Variants in PCDH17 observed in about 807,000 individuals in gnomAD.
PCDH17 encodes the protein protocadherin 17, also known as protocadherin-17.
Under a neutral mutation model 67.7 loss-of-function variants are expected in PCDH17, and 21 were observed. The observed-to-expected ratio is 0.31, with a 90% CI of 0.22 to 0.45. The LOEUF (loss-of-function observed/expected upper bound fraction) is 0.45. PCDH17 is among the 20% of genes least tolerant of loss of function. The pLI, the probability that PCDH17 is intolerant of heterozygous loss-of-function variation, is 1.00. For missense variants in PCDH17, 1,471 were observed against 1,564.8 expected, an observed-to-expected ratio of 0.94 and a Z score of 1.01; for synonymous variants, 701 against 656.7, an observed-to-expected ratio of 1.07 and a Z score of -1.03.
chr13:57,685,796 G>A (rs1263227163), intron 3 of PCDH17, among the ~76,000 whole-genome samples: 2 of 151,794 alleles, frequency 1.3e-5, no homozygotes, highest in Admixed American at 6.6e-5. Flanking sequence ...AGTAAAGTAC[G>A]GAATTTAGGC....
chr13:57,669,060 A>C (rs2138028179), intron 3 of PCDH17, among the ~76,000 whole-genome samples: 1 of 151,680 alleles, frequency 6.6e-6, no homozygotes, highest in Non-Finnish European at 1.5e-5. Context: ...CTCATTGTTC[A>C]ATTCCCACCT....
upstream of PCDH17, among the ~76,000 whole-genome samples, chr13:57,631,324 C>T (rs917498003): frequency 1.3e-5 from 2 of 152,086 alleles, no homozygotes; most frequent in Admixed American, 1.3e-4. Context: ...TCCCTTCTAG[C>T]GAGAGACAGG....
At chr13:57,675,551 A>G (rs1047864950) in intron 3 of PCDH17, among the ~76,000 whole-genome samples, 1 of 151,966 alleles carries the variant, frequency 6.6e-6, no homozygotes, top group Non-Finnish European at 1.5e-5. Context: ...GGAATCAAAG[A>G]GAATTTGTGG....
chr13:57,686,033 G>A (rs368648652), intron 3 of PCDH17, among the ~76,000 whole-genome samples: 3 of 151,950 alleles, frequency 2.0e-5, no homozygotes, highest in Non-Finnish European at 4.4e-5. Context: ...AAGTTGCAGT[G>A]AGTCATGATG....
Position 57,686,636 on chromosome 13 carries a change from G to C in PCDH17, c.2797+19803G>C, listed in dbSNP as rs1270725022. ...TGGCAATTAGATGGATATGACATCT[G>C]TAGGAGAAACAAAGTCTGTGTAATT... On this transcript the variant is annotated intron_variant, in intron 3 of 3. Coordinates refer to ENST00000377918, the MANE Select transcript of PCDH17 (RefSeq NM_001040429.3). 3.3e-5 allele frequency among the ~76,000 whole-genome samples: 5 copies of C among 151,896 alleles called. No homozygotes were observed. In the East Asian group the frequency reaches 9.7e-4, roughly 29 times the overall value.
chr13:57,634,072 A>T lies in PCDH17; in HGVS notation c.1526A>T (p.Tyr509Phe), dbSNP rs1460889407. Reference protein sequence around the residue: ...PDLGQNGTVSYSILPSHIGDV... With the variant: ...PDLGQNGTVSFSILPSHIGDV... ...CTGGGCCAGAACGGCACCGTATCCT[A>T]CTCTATCCTGCCCTCGCACATCGGC... The change falls in exon 1 of 4, where the codon TAC becomes TTC. Residue 509 changes from tyrosine (Y) to phenylalanine (F), a missense_variant. Tyr to Phe is a conservative substitution (Grantham distance 22). Transcript: ENST00000377918. This position sits in a 1 kb window ranked among gnomAD's most constrained non-coding sequence, Gnocchi z 7.8. 1 of 1,613,078 alleles carries T rather than the reference A, an allele frequency of 6.2e-7. No individual in the cohort carries two copies. The highest frequency in any genetic ancestry group is 1.1e-5 in the South Asian group (1 of 91,062).
At chr13:57,635,496 A>T (rs568821086) in intron 1 of PCDH17, among the ~76,000 whole-genome samples, 1 of 152,276 alleles carries the variant, frequency 6.6e-6, no homozygotes, top group Non-Finnish European at 1.5e-5. Flanking sequence ...AAATATTTTT[A>T]TTCTGTTTTT....
chr13:57,684,049 A>G (rs1020797988), intron 3 of PCDH17, among the ~76,000 whole-genome samples: 4 of 151,708 alleles, frequency 2.6e-5, no homozygotes, highest in African/African-American at 7.2e-5. Context: ...TTAAACTTAT[A>G]GGAGAACCCA....
At chr13:57,647,971 T>G (rs1048537320) in intron 1 of PCDH17, among the ~76,000 whole-genome samples, 2 of 151,990 alleles carry the variant, frequency 1.3e-5, no homozygotes, top group Admixed American at 6.6e-5. Context: ...AACTTTATAG[T>G]TAAACTTAGT....
intron 3 of PCDH17, among the ~76,000 whole-genome samples, chr13:57,685,276 T>C (rs961882599): frequency 2.0e-5 from 3 of 151,964 alleles, no homozygotes; most frequent in African/African-American, 7.2e-5. Flanking sequence ...TAATACCTAT[T>C]AAAAATATTG....
intron 3 of PCDH17, among the ~76,000 whole-genome samples, chr13:57,677,309 A>G (rs1955402372): frequency 6.6e-6 from 1 of 151,892 alleles, no homozygotes; most frequent in Non-Finnish European, 1.5e-5. Flanking sequence ...AAAATAATGT[A>G]TTGTTATTTA....
chr13:57,643,551 A>G (rs1379247469), intron 1 of PCDH17, among the ~76,000 whole-genome samples: 1 of 151,652 alleles, frequency 6.6e-6, no homozygotes, highest in Non-Finnish European at 1.5e-5. Context: ...TCCCACCAGA[A>G]TTCATGCCTT....
At chr13:57,721,485 A>G (rs540497287) in intron 3 of PCDH17, among the ~76,000 whole-genome samples, 85 of 152,188 alleles carry the variant, frequency 5.6e-4, no homozygotes, top group Admixed American at 1.2e-3. Context: ...CTTAAAGTAC[A>G]GAGAGCAGTT....
Position 57,723,752 on chromosome 13 carries a change from AT to A in PCDH17, c.2798-852del, listed in dbSNP as rs904263475. Among the ~76,000 whole-genome samples the A allele has an allele frequency of 2.4e-4, 37 of 152,142 alleles. 1 individual carries two copies. The highest frequency in any genetic ancestry group is 7.2e-5 in the African/African-American group (3 of 41,520). On this transcript the variant is annotated intron_variant, in intron 3 of 3. Transcript: ENST00000377918. ...GTATGCAGCTCTTCTATAATTAAGG[AT>A]TTTTTTTCATATTCCACATTCAGCA...
At chr13:57,720,767 G>A (rs1394539049) in intron 3 of PCDH17, among the ~76,000 whole-genome samples, 1 of 152,010 alleles carries the variant, frequency 6.6e-6, no homozygotes, top group African/African-American at 2.4e-5. Context: ...GTCTGTGTGT[G>A]GTTTATGGTG....
At chr13:57,671,245 T>A (rs1289813207) in intron 3 of PCDH17, among the ~76,000 whole-genome samples, 1 of 151,836 alleles carries the variant, frequency 6.6e-6, no homozygotes, top group Non-Finnish European at 1.5e-5. Context: ...TATGTATTTT[T>A]ACCTAATAAA....
chr13:57,706,705 G>A (rs762728669), intron 3 of PCDH17, among the ~76,000 whole-genome samples: 3 of 152,100 alleles, frequency 2.0e-5, no homozygotes, highest in Non-Finnish European at 4.4e-5. Context: ...GTGTTGACAG[G>A]ATGAGCAATA....
chr13:57,636,717 G>A lies in PCDH17; in HGVS notation c.2565+1606G>A, dbSNP rs544912141. Among the ~76,000 whole-genome samples the A allele has an allele frequency of 7.9e-5, 12 of 152,116 alleles. No individual in the cohort carries two copies. In the South Asian group the frequency reaches 1.2e-3, roughly 16 times the overall value. ...AACTGGTATTTATGATAATCAATACGTATTTAGAAGGAAATATTAAAACAC... is the reference window on the plus strand; with the variant it reads ...AACTGGTATTTATGATAATCAATACATATTTAGAAGGAAATATTAAAACAC... On this transcript the variant is annotated intron_variant, in intron 1 of 3. Coordinates refer to ENST00000377918, the MANE Select transcript of PCDH17 (RefSeq NM_001040429.3).
chr13:57,704,686 T>G (rs1955702243), intron 3 of PCDH17, among the ~76,000 whole-genome samples: 1 of 151,988 alleles, frequency 6.6e-6, no homozygotes, highest in Admixed American at 6.6e-5. Flanking sequence ...AAACATGTAT[T>G]GATTTTTCAT....
Sources: allele counts gnomAD v4.1 joint callset (sites outside exome capture counted in the v4.1 genomes callset), GRCh38; gene constraint gnomAD v4.1.1; non-coding constraint Gnocchi (gnomAD v3.1); transcripts MANE v1.5; gene names NCBI Gene and HGNC (gene_info 2026-07-23, HGNC 2026-07-21).